GSAP: variants seen among roughly 807,000 people sequenced by gnomAD.
GSAP encodes the protein gamma-secretase activating protein.
In GSAP, 118 loss-of-function variants were observed where a neutral mutation model predicts 131.7. That is an observed-to-expected ratio of 0.90 (90% CI 0.77 to 1.04). GSAP has a LOEUF of 1.04. Ranked by LOEUF, GSAP falls within the 50% of genes least tolerant of loss-of-function variation. The probability of loss-of-function intolerance (pLI) is 0.00; values close to 1 mark genes in which losing one functional copy is unlikely to be tolerated. For synonymous variants in GSAP, 381 were observed against 363.4 expected (o/e 1.05, Z -0.55); for missense variants, 1,019 against 1,013.2 (o/e 1.01, Z -0.08).
intron 6 of GSAP, among the ~76,000 whole-genome samples, chr7:77,386,370 C>T (rs1258242941): frequency 6.6e-6 from 1 of 152,068 alleles, no homozygotes; most frequent in Admixed American, 6.5e-5. Context: ...AGACTTTTGA[C>T]CTTTCAGGAT....
At chr7:77,329,211 A>G (rs1008645036) in intron 21 of GSAP, 122 bp downstream of exon 21, 9 of 525,822 alleles carry the variant, frequency 1.7e-5, no homozygotes, top group Non-Finnish European at 3.0e-5. Context: ...TGAAGCTGAC[A>G]ATATTATTTT....
rs1228070511 is a variant in GSAP, at chr7:77,397,355, T to C, written c.304A>G (p.Thr102Ala). 6.2e-7 allele frequency: 1 copy of C among 1,600,042 alleles called. No homozygotes were observed. Among genetic ancestry groups the C allele is most frequent in the Non-Finnish European group, 8.6e-7 (1 of 1,169,096 alleles). Residue 102 changes from threonine to alanine, a missense_variant, in exon 4 of 31, where the codon ACT becomes GCT. Transcript: ENST00000257626. ...VFSCSVNSER[T>A]LLAASLVQST... ...TAAGAGCTCAACTTACCAAGCAAAG[T>C]CCTTTCACTGTTGACAGAGCAACTG...
intron 19 of GSAP, among the ~76,000 whole-genome samples, chr7:77,334,579 T>TAAAAAAAAAAAAA (rs1200040086): frequency 0.01 from 856 of 82,218 alleles, 62 homozygotes; most frequent in African/African-American, 0.014. Context: ...AACTTAAAAT[T>TAAAAAAAAAAAAA]TAAAAAAAAA....
chr7:77,410,242 C>G (rs1803034316), intron 1 of GSAP, among the ~76,000 whole-genome samples: 1 of 152,122 alleles, frequency 6.6e-6, no homozygotes, highest in Non-Finnish European at 1.5e-5. Flanking sequence ...CAGTTAAGTA[C>G]ACAGTTCACA....
At chr7:77,360,562 A>C (rs1021523814) in intron 14 of GSAP, among the ~76,000 whole-genome samples, 1 of 152,218 alleles carries the variant, frequency 6.6e-6, no homozygotes, top group East Asian at 1.9e-4. Flanking sequence ...CTACCAAAAA[A>C]CATAAGAAAG....
At chr7:77,365,229 A>T (rs1000411040) in intron 12 of GSAP, among the ~76,000 whole-genome samples, 2 of 151,916 alleles carry the variant, frequency 1.3e-5, no homozygotes, top group African/African-American at 4.8e-5. Context: ...GACTACAGGA[A>T]TTTTTTTTAA....
chr7:77,350,188 C>G (rs1792592139), intron 18 of GSAP, among the ~76,000 whole-genome samples: 1 of 145,154 alleles, frequency 6.9e-6, no homozygotes, highest in Non-Finnish European at 1.5e-5. Flanking sequence ...AAACCAAACA[C>G]TGCATGTTCT....
Position 77,314,445 on chromosome 7 carries a change from A to G in GSAP, c.2134T>C (p.Leu712=), listed in dbSNP as rs769777595. ...HTILGVQCLP[L]HNLLHCIDSG... Reference sequence around the variant, plus strand: ...TCAATGCAATGCAGCAGGTTATGCAAAGGGAGACACTGGACCCCGAGGATG... The same window carrying G: ...TCAATGCAATGCAGCAGGTTATGCAGAGGGAGACACTGGACCCCGAGGATG... The change falls in exon 27 of 31, where the codon TTG becomes CTG. Residue 712 remains leucine (L), a synonymous_variant. Transcript: ENST00000257626. The G allele has an allele frequency of 1.6e-5, 26 of 1,613,868 alleles. No homozygotes were observed. In the South Asian group the frequency reaches 2.9e-4, roughly 18 times the overall value.
chr7:77,397,404 G>A lies in GSAP; in HGVS notation c.255C>T (p.Thr85=). Residue 85 remains threonine (T), a synonymous_variant, in exon 4 of 31, where the codon ACC becomes ACT. Coordinates refer to ENST00000257626, the MANE Select transcript of GSAP (RefSeq NM_017439.4). ...TGAAAACTTGCAAGTCTTTCTCAAA[G>A]GTATATAGAAGCTATTAAAACAAAA... is the stretch of plus-strand genomic sequence containing the variant. ...CQTRQNELLY[T]FEKDLQVFSC... 6.3e-7 allele frequency: 1 copy of A among 1,580,614 alleles called. No homozygotes were observed. The highest frequency in any genetic ancestry group is 8.7e-7 in the Non-Finnish European group (1 of 1,154,280).
rs74877464 is a variant in GSAP, at chr7:77,322,993, C to A, written c.1923+654G>T. Among the ~76,000 whole-genome samples, 1,482 of 152,178 alleles carry A rather than the reference C, an allele frequency of 9.7e-3. 30 individuals are homozygous for A. Among genetic ancestry groups the A allele is most frequent in the African/African-American group, 0.034 (1,429 of 41,450 alleles). On this transcript the variant is annotated intron_variant, in intron 24 of 30. Transcript: ENST00000257626. ...TTGGAGAAATAATGGAGTGTTCTTTCTCTTTCTGTGCAAACATTTTTTTGA... is the reference window on the plus strand; with the variant it reads ...TTGGAGAAATAATGGAGTGTTCTTTATCTTTCTGTGCAAACATTTTTTTGA...
At chr7:77,312,225 T>G in intron 28 of GSAP, 23 bp from the exon 29 acceptor site, 1 of 1,139,536 alleles carries the variant, frequency 8.8e-7, no homozygotes, top group Non-Finnish European at 1.3e-6. Flanking sequence ...TTGAAAAAAA[T>G]GTAGCGAATA....
At chr7:77,392,363 C>G (rs1023677944) in intron 5 of GSAP, among the ~76,000 whole-genome samples, 1 of 152,030 alleles carries the variant, frequency 6.6e-6, no homozygotes, top group Non-Finnish European at 1.5e-5. Flanking sequence ...GCCTGGGCAA[C>G]ATGACTAATC....
intron 6 of GSAP, among the ~76,000 whole-genome samples, chr7:77,385,819 T>A (rs1798483916): frequency 6.6e-6 from 1 of 151,556 alleles, no homozygotes. Flanking sequence ...GCCCATAGGG[T>A]GGAGGCTGGT....
At chr7:77,412,059 A>G (rs1803385271) in intron 1 of GSAP, among the ~76,000 whole-genome samples, 1 of 152,196 alleles carries the variant, frequency 6.6e-6, no homozygotes, top group Non-Finnish European at 1.5e-5. Context: ...TATGCCCGTA[A>G]TCCCAGCTAC....
chr7:77,381,063 A>T (rs1276878760), intron 8 of GSAP, among the ~76,000 whole-genome samples: 1 of 152,236 alleles, frequency 6.6e-6, no homozygotes, highest in Non-Finnish European at 1.5e-5. Flanking sequence ...GTGGAAAGAC[A>T]CACAGGCTGT....
At chr7:77,333,521 C>T (rs1047055992) in intron 19 of GSAP, among the ~76,000 whole-genome samples, 3 of 152,158 alleles carry the variant, frequency 2.0e-5, no homozygotes, top group African/African-American at 7.2e-5. Context: ...CAAGTTCCCC[C>T]AAGGCATCCT....
At position 77,397,027 on chromosome 7, in the gene GSAP, A is replaced by C. The variant is rs1800525543; in HGVS notation, c.322T>G (p.Leu108Val). The C allele has an allele frequency of 1.9e-6, 3 of 1,597,170 alleles. No individual in the cohort carries two copies. The East Asian group carries it at 6.7e-5, about 36-fold the overall frequency. Residue 108 changes from leucine to valine, a missense_variant, in exon 5 of 31, where the codon TTA (leucine) becomes GTA (valine). Coordinates refer to ENST00000257626, the MANE Select transcript of GSAP (RefSeq NM_017439.4). ...NSERTLLAAS[L>V]VQSTKEGKRN... ...TTTCCTTCTTTAGTAGACTGAACTA[A>C]ACTTGCAGCTAATGGAAAAAGAAAA...
At position 77,374,096 on chromosome 7, in the gene GSAP, G is replaced by A. The variant is rs1796501883; in HGVS notation, c.845C>T (p.Thr282Ile). 6.3e-7 allele frequency: 1 copy of A among 1,584,154 alleles called. No individual in the cohort carries two copies. Among genetic ancestry groups the A allele is most frequent in the South Asian group, 1.1e-5 (1 of 89,584 alleles). ...TGTATGGTTGGTAAAAACACACAGA[G>A]TCAGGTGTTTGGAAAATTTATCTCG... is the stretch of plus-strand genomic sequence containing the variant. ...QYRDKFSKHLTLCVFTNHTGS... is the reference protein window; with the variant it reads ...QYRDKFSKHLILCVFTNHTGS... Residue 282 changes from threonine to isoleucine, a missense_variant, in exon 12 of 31, where the codon ACT (threonine) becomes ATT (isoleucine). Thr to Ile is a moderately conservative substitution (Grantham distance 89). Coordinates refer to ENST00000257626, the MANE Select transcript of GSAP (RefSeq NM_017439.4).
chr7:77,321,428 A>C, intron 24 of GSAP, 25 bp from the exon 25 acceptor site: 1 of 1,492,850 alleles, frequency 6.7e-7, no homozygotes, highest in Non-Finnish European at 9.3e-7. Context: ...CAGTCCATTA[A>C]CCATTGCTCC....
Sources: allele counts gnomAD v4.1 joint callset (sites outside exome capture counted in the v4.1 genomes callset), GRCh38; gene constraint gnomAD v4.1.1; transcripts MANE v1.5; gene names NCBI Gene and HGNC (gene_info 2026-07-23, HGNC 2026-07-21).